The following PLD5 variants were observed in gnomAD, a reference collection of about 807,000 sequenced individuals.
PLD5 encodes phospholipase D family member 5, also known as inactive phospholipase D5.
In PLD5, 36 loss-of-function variants were observed where a neutral mutation model predicts 61.1. That is an observed-to-expected ratio of 0.59 (90% CI 0.45 to 0.78). The LOEUF (loss-of-function observed/expected upper bound fraction) is 0.78. Ranked by LOEUF, PLD5 falls within the 30% of genes least tolerant of loss-of-function variation. PLD5 has a pLI of 0.00. For synonymous variants in PLD5, 243 were observed against 242.8 expected (o/e 1.00, Z -0.01); for missense variants, 515 against 644.4 (o/e 0.80, Z 2.17).
At chr1:242,417,509 C>T (rs1280332636) in intron 1 of PLD5, among the ~76,000 whole-genome samples, 1 of 152,230 alleles carries the variant, frequency 6.6e-6, no homozygotes, top group Non-Finnish European at 1.5e-5. Flanking sequence ...AATATGGCTG[C>T]AGAACTGCCT....
In PLD5 at chr1:242,394,330, ATATG is replaced by A. The variant is rs1663235829; in HGVS notation, c.190-46092_190-46089del. Among the ~76,000 whole-genome samples, 2 of 92,942 alleles carry A rather than the reference ATATG, an allele frequency of 2.2e-5. 1 individual carries two copies. Among genetic ancestry groups the A allele is most frequent in the African/African-American group, 8.9e-5 (2 of 22,596 alleles). 61.0% of individuals were successfully genotyped at this position (92,942 alleles called of 152,430 possible). A position where few individuals can be genotyped will look rare whatever the true frequency, so the allele number is the denominator to read the frequency against. On this transcript the variant is annotated intron_variant, in intron 1 of 9. Transcript: ENST00000536534. ...TATATATGTGTGTATATATGAGTAT[ATATG>A]TGTGTATATATGAGTATATATGTGT...
intron 2 of PLD5, among the ~76,000 whole-genome samples, chr1:242,325,261 CTATT>C (rs1658674774): frequency 1.3e-5 from 2 of 151,738 alleles, no homozygotes; most frequent in Non-Finnish European, 2.9e-5. Context: ...TCTAAAATAA[CTATT>C]TATACACCAA....
chr1:242,476,985 C>T (rs1338994005), intron 1 of PLD5, among the ~76,000 whole-genome samples: 2 of 152,202 alleles, frequency 1.3e-5, no homozygotes, highest in East Asian at 1.9e-4. Flanking sequence ...CATGGTGGCT[C>T]ACGCCTATAA....
intron 2 of PLD5, among the ~76,000 whole-genome samples, chr1:242,321,334 A>C (rs1422282986): frequency 7.0e-6 from 1 of 143,708 alleles, no homozygotes; most frequent in Non-Finnish European, 1.5e-5. Context: ...ATGGAGTTTC[A>C]CTCTTGTTGC....
Position 242,095,039 on chromosome 1 carries a change from C to T in PLD5, c.1355-4929G>A, listed in dbSNP as rs561990569. On this transcript the variant is annotated intron_variant, in intron 9 of 9. Coordinates refer to ENST00000536534, the MANE Select transcript of PLD5 (RefSeq NM_001372062.1). The stretch of plus-strand genomic sequence containing the variant: ...GCAACCTCCACCTCCCAGGTTCAAG[C>T]GATCCTCCTGCCTCAGCCTCCTGTG... Among the ~76,000 whole-genome samples the T allele has an allele frequency of 4.3e-4, 66 of 151,900 alleles. 1 individual carries two copies. The South Asian group carries it at 0.011, about 26-fold the overall frequency.
rs1170157409 is a variant in PLD5 at position 242,100,683 on chromosome 1, C to T, written c.1339G>A (p.Gly447Arg). The T allele has an allele frequency of 6.2e-7, 1 of 1,613,868 alleles. No homozygotes were observed. The highest frequency in any genetic ancestry group is 2.2e-5 in the East Asian group (1 of 44,864). Reference sequence around the variant, plus strand: ...TGACACCTACCAATATAAGCTGCTCCATCTGTCACCATGTACTTGTTGCGA... The same window carrying T: ...TGACACCTACCAATATAAGCTGCTCTATCTGTCACCATGTACTTGTTGCGA... ...LNRNKYMVTD[G>R]AAYIGNFDWV... The change falls in exon 9 of 10, where the codon GGA (glycine) becomes AGA (arginine). Residue 447 changes from glycine (G) to arginine (R), a missense_variant. Around this residue, in one of 2 missense-constraint regions of PLD5, gnomAD observed 450 missense variants for 598.1 expected, o/e 0.75. Transcript: ENST00000536534.
intron 5 of PLD5, 127 bp from the exon 6 acceptor site, chr1:242,124,792 A>G (rs1000870534): frequency 2.7e-6 from 2 of 736,482 alleles, no homozygotes; most frequent in Non-Finnish European, 4.4e-6. Context: ...GTAAGTAGAT[A>G]TAGTTACATT....
intron 1 of PLD5, among the ~76,000 whole-genome samples, chr1:242,397,784 C>T (rs72763095): frequency 4.6e-4 from 34 of 74,578 alleles, no homozygotes; most frequent in African/African-American, 2.0e-3. Flanking sequence ...TCTTCTTCTT[C>T]TTTTTTTTTT....
chr1:242,220,658 T>G (rs186692191), intron 4 of PLD5, among the ~76,000 whole-genome samples: 10 of 151,978 alleles, frequency 6.6e-5, no homozygotes, highest in Admixed American at 6.6e-4. Flanking sequence ...TTATTTAATC[T>G]GGGTTTGGTC....
At chr1:242,206,519 C>A (rs1669322670) in intron 5 of PLD5, among the ~76,000 whole-genome samples, 1 of 152,108 alleles carries the variant, frequency 6.6e-6, no homozygotes. Context: ...CTTTGGGATC[C>A]CCAGAAACTT....
intron 9 of PLD5, among the ~76,000 whole-genome samples, chr1:242,100,120 C>T (rs554657464): frequency 1.3e-5 from 2 of 152,328 alleles, no homozygotes; most frequent in East Asian, 3.9e-4. Flanking sequence ...TTCTACACTT[C>T]ACCCAATGAA....
chr1:242,240,189 A>G (rs7529599), intron 4 of PLD5, among the ~76,000 whole-genome samples: 2,778 of 152,288 alleles, frequency 0.018, 92 homozygotes, highest in African/African-American at 0.063. Flanking sequence ...AGGTCTTTCC[A>G]TGGCCTCCAC....
intron 8 of PLD5, among the ~76,000 whole-genome samples, chr1:242,105,803 A>G (rs183853545): frequency 4.6e-4 from 69 of 148,772 alleles, no homozygotes; most frequent in Non-Finnish European, 5.6e-4. Context: ...ATGGTTTTGC[A>G]TAAACTCTAT....
intron 3 of PLD5, among the ~76,000 whole-genome samples, chr1:242,271,558 T>C (rs2149113016): frequency 6.6e-6 from 1 of 152,206 alleles, no homozygotes; most frequent in African/African-American, 2.4e-5. Flanking sequence ...CAGCTGCAAG[T>C]ACATGGTTGT....
At chr1:242,163,870 T>G (rs1666094052) in intron 5 of PLD5, among the ~76,000 whole-genome samples, 1 of 152,040 alleles carries the variant, frequency 6.6e-6, no homozygotes, top group Admixed American at 6.6e-5. Context: ...GGAAACAGTA[T>G]CCTTTATTTC....
intron 3 of PLD5, among the ~76,000 whole-genome samples, chr1:242,269,406 G>A (rs893999594): frequency 1.3e-5 from 2 of 151,424 alleles, no homozygotes; most frequent in African/African-American, 4.9e-5. Flanking sequence ...CAGCCCCTTT[G>A]TGACTTTGAA....
At chr1:242,371,424 A>G (rs1661624642) in intron 1 of PLD5, among the ~76,000 whole-genome samples, 1 of 152,132 alleles carries the variant, frequency 6.6e-6, no homozygotes, top group Admixed American at 6.6e-5. Context: ...GGAAGTTCCT[A>G]TTAACATGGG....
At chr1:242,458,836 C>A (rs111442625) in intron 1 of PLD5, among the ~76,000 whole-genome samples, 9 of 152,174 alleles carry the variant, frequency 5.9e-5, no homozygotes, top group Non-Finnish European at 1.3e-4. Context: ...TAGCCTTACA[C>A]AGGCCTTGGG....
intron 3 of PLD5, among the ~76,000 whole-genome samples, chr1:242,279,988 GA>G (rs1237871415): frequency 6.7e-6 from 1 of 149,168 alleles, no homozygotes; most frequent in Non-Finnish European, 1.5e-5. Flanking sequence ...CACTAAATTT[GA>G]AAGTAAATGT....
Sources: allele counts gnomAD v4.1 joint callset (sites outside exome capture counted in the v4.1 genomes callset), GRCh38; gene constraint gnomAD v4.1.1; regional missense constraint gnomAD v4.1.1; transcripts MANE v1.5; gene names NCBI Gene and HGNC (gene_info 2026-07-23, HGNC 2026-07-21).